TNFRSF10B: variants seen among roughly 807,000 people sequenced by gnomAD.
TNFRSF10B encodes the protein tumor necrosis factor receptor superfamily member 10B.
A neutral mutation model predicts 41.4 loss-of-function variants in TNFRSF10B; 35 were observed. That is an observed-to-expected ratio of 0.85 (90% CI 0.65 to 1.12). The LOEUF (loss-of-function observed/expected upper bound fraction) is 1.12, where lower values mean the gene tolerates loss of function less well. TNFRSF10B is among the 50% of genes most tolerant of loss of function. The pLI is 0.00. For missense variants in TNFRSF10B, 584 were observed against 552.7 expected (o/e 1.06, Z -0.57); for synonymous variants, 230 against 215.5 (o/e 1.07, Z -0.59).
intron 1 of TNFRSF10B, among the ~76,000 whole-genome samples, chr8:23,055,110 G>C (rs1812627034): frequency 6.6e-6 from 1 of 152,098 alleles, no homozygotes; most frequent in Non-Finnish European, 1.5e-5. Context: ...GTCTCAAAAT[G>C]TTTTCAATTT....
chr8:23,021,520 T>TG lies in TNFRSF10B; in HGVS notation c.*1150_*1151insC, dbSNP rs1811520873. 1 of 454,038 alleles carries TG rather than the reference T, an allele frequency of 2.2e-6. No individual in the cohort carries two copies. The highest frequency in any genetic ancestry group is 1.6e-5 in the South Asian group (1 of 64,484). 28.1% of individuals were successfully genotyped at this position (454,038 alleles called of 1,614,324 possible). On this transcript the variant is annotated 3_prime_UTR_variant, in exon 9 of 9. Transcript: ENST00000276431. ...TCCTGAGCCCAAACAGGGCTCAAGT[T>TG]CACTTGGGATATGACATAGACCCTA...
intron 8 of TNFRSF10B, 125 bp downstream of exon 8, chr8:23,024,063 G>T: frequency 8.2e-7 from 1 of 1,219,118 alleles, no homozygotes; most frequent in South Asian, 1.2e-5. Flanking sequence ...ATGGTCTATA[G>T]CACAGGACCC....
At chr8:23,028,120 G>C (rs923402939) in intron 5 of TNFRSF10B, 1 of 660,100 alleles carries the variant, frequency 1.5e-6, no homozygotes, top group African/African-American at 1.8e-5. Flanking sequence ...GGGAGATATG[G>C]GGACCCCCAG....
chr8:23,032,688 C>T (rs924006212), intron 2 of TNFRSF10B, among the ~76,000 whole-genome samples: 11 of 152,080 alleles, frequency 7.2e-5, no homozygotes, highest in African/African-American at 2.7e-4. Flanking sequence ...TTTCTTACAG[C>T]AATGTTTGAT....
At chr8:23,028,630 G>T in intron 4 of TNFRSF10B, 28 bp from the exon 5 acceptor site, 1 of 1,613,708 alleles carries the variant, frequency 6.2e-7, no homozygotes, top group East Asian at 2.2e-5. Flanking sequence ...GGGAGAGGGG[G>T]GACTCTTGAT....
intron 1 of TNFRSF10B, among the ~76,000 whole-genome samples, chr8:23,067,557 G>A (rs1196213127): frequency 6.6e-6 from 1 of 152,114 alleles, no homozygotes; most frequent in African/African-American, 2.4e-5. Flanking sequence ...AGAGAGGCAA[G>A]ATGCCCTGGG....
At position 23,020,332 on chromosome 8, in the gene TNFRSF10B, A is replaced by G. The variant is rs1585201524; in HGVS notation, c.*2339T>C. On this transcript the variant is annotated 3_prime_UTR_variant, in exon 9 of 9. Transcript: ENST00000276431. The stretch of plus-strand genomic sequence containing the variant: ...GTGTCACATGCTATTTGGCCTGGGG[A>G]TATAGCAAAGCCTAATGTAACTAAA... The G allele has an allele frequency of 2.2e-6, 1 of 454,080 alleles. No individual in the cohort carries two copies. The highest frequency in any genetic ancestry group is 1.6e-5 in the South Asian group (1 of 64,480). The allele number at this position is 454,080 out of a possible 1,614,324, so 28.1% of individuals were successfully genotyped here. A position where few individuals can be genotyped will look rare whatever the true frequency, so the allele number is the denominator to read the frequency against.
intron 2 of TNFRSF10B, among the ~76,000 whole-genome samples, chr8:23,033,585 C>CAAAAAAA (rs59282000): frequency 1.9e-4 from 12 of 62,278 alleles, no homozygotes; most frequent in African/African-American, 8.4e-4. Context: ...GACTCCGTCT[C>CAAAAAAA]AAAAAAAAAA....
intron 2 of TNFRSF10B, among the ~76,000 whole-genome samples, chr8:23,040,763 T>C (rs1481005534): frequency 1.3e-5 from 2 of 152,084 alleles, no homozygotes; most frequent in Non-Finnish European, 2.9e-5. Context: ...ACCTATATGC[T>C]AGCCACAAGA....
rs764376932 is a variant in TNFRSF10B at position 23,030,809 on chromosome 8, G to A, written c.314C>T (p.Thr105Ile). Residue 105 changes from threonine to isoleucine, a missense_variant, in exon 3 of 9, where the codon ACT becomes ATT. Physicochemically the swap from Thr to Ile is moderately conservative, Grantham distance 89. Coordinates refer to ENST00000276431, the MANE Select transcript of TNFRSF10B (RefSeq NM_003842.5). Reference sequence around the variant, plus strand: ...GCAGAAAAGGAGGTCATTCCAGTGAGTGCTATAGTCCTGTCCATATTTGCA... The same window carrying A: ...GCAGAAAAGGAGGTCATTCCAGTGAATGCTATAGTCCTGTCCATATTTGCA... ...ISCKYGQDYS[T>I]HWNDLLFCLR... is the part of the protein sequence containing the mutation. 1 of 1,613,246 alleles carries A rather than the reference G, an allele frequency of 6.2e-7. No individual in the cohort carries two copies. Among genetic ancestry groups the A allele is most frequent in the Non-Finnish European group, 8.5e-7 (1 of 1,179,650 alleles).
intron 2 of TNFRSF10B, among the ~76,000 whole-genome samples, chr8:23,032,399 C>G (rs747159284): frequency 8.5e-5 from 13 of 152,176 alleles, no homozygotes; most frequent in Non-Finnish European, 1.6e-4. Context: ...AAAGAATGAT[C>G]CAAAGAAAAG....
intron 1 of TNFRSF10B, among the ~76,000 whole-genome samples, chr8:23,064,031 C>A (rs897610250): frequency 6.6e-6 from 1 of 152,256 alleles, no homozygotes; most frequent in Non-Finnish European, 1.5e-5. Context: ...AGGCGCCTGG[C>A]GACCGCATAT....
At chr8:23,058,624 T>A (rs1344382933) in intron 1 of TNFRSF10B, among the ~76,000 whole-genome samples, 2 of 152,100 alleles carry the variant, frequency 1.3e-5, no homozygotes, top group Non-Finnish European at 2.9e-5. Context: ...TAGCTGGGAC[T>A]ACAGGCATGC....
At chr8:23,047,053 T>C (rs1812384736) in intron 1 of TNFRSF10B, among the ~76,000 whole-genome samples, 1 of 152,154 alleles carries the variant, frequency 6.6e-6, no homozygotes, top group South Asian at 2.1e-4. Context: ...TGGGCAACAT[T>C]TTTTAAAATT....
intron 1 of TNFRSF10B, among the ~76,000 whole-genome samples, chr8:23,048,389 TG>T (rs1175911850): frequency 6.9e-6 from 1 of 145,048 alleles, no homozygotes; most frequent in Non-Finnish European, 1.5e-5. Context: ...TGAGCTGAGA[TG>T]GCACCATTGC....
intron 2 of TNFRSF10B, among the ~76,000 whole-genome samples, chr8:23,036,169 C>T (rs1317276480): frequency 6.6e-6 from 1 of 152,170 alleles, no homozygotes; most frequent in East Asian, 1.9e-4. Context: ...CATAGGCCAC[C>T]AAATTACTCT....
At chr8:23,026,421 ACT>A (rs1811703257) in intron 7 of TNFRSF10B, among the ~76,000 whole-genome samples, 1 of 152,174 alleles carries the variant, frequency 6.6e-6, no homozygotes, top group South Asian at 2.1e-4. Context: ...GGAAACAGAG[ACT>A]CAGAATAATT....
At chr8:23,032,915 T>G (rs1811920434) in intron 2 of TNFRSF10B, among the ~76,000 whole-genome samples, 1 of 152,180 alleles carries the variant, frequency 6.6e-6, no homozygotes, top group Non-Finnish European at 1.5e-5. Context: ...TGAGACACAT[T>G]ATAGTCAAAT....
intron 1 of TNFRSF10B, among the ~76,000 whole-genome samples, chr8:23,045,420 T>C (rs926220945): frequency 2.6e-5 from 4 of 152,144 alleles, no homozygotes; most frequent in African/African-American, 9.7e-5. Flanking sequence ...CAATAATGAT[T>C]AAGGATATTG....
Sources: gnomAD v4.1 joint callset for allele counts (sites outside exome capture counted in the v4.1 genomes callset) on GRCh38, gnomAD v4.1.1 for gene constraint, MANE v1.5 for transcripts, NCBI Gene and HGNC (gene_info 2026-07-23, HGNC 2026-07-21) for gene names.